The following MALRD1 variants were observed in gnomAD, a reference collection of about 807,000 sequenced individuals.
The protein encoded by MALRD1 is MAM and LDL receptor class A domain containing 1.
Under a neutral mutation model 242.1 loss-of-function variants are expected in MALRD1, and 247 were observed. The observed-to-expected ratio is 1.02, with a 90% CI of 0.92 to 1.13. MALRD1 has a LOEUF of 1.13. Ranked by LOEUF, MALRD1 falls within the 50% of genes most tolerant of loss-of-function variation. MALRD1 has a pLI of 0.00. For missense variants in MALRD1, 2,989 were observed against 2,533.1 expected (o/e 1.18, Z -3.86); for synonymous variants, 995 against 866.6 (o/e 1.15, Z -2.60).
intron 24 of MALRD1, among the ~76,000 whole-genome samples, chr10:19,340,910 C>T (rs950314767): frequency 6.6e-6 from 1 of 152,048 alleles, no homozygotes; most frequent in African/African-American, 2.4e-5. Context: ...AAATCATAAA[C>T]TTCATGTTAG....
intron 26 of MALRD1, among the ~76,000 whole-genome samples, chr10:19,369,259 T>C (rs887870447): frequency 4.1e-5 from 6 of 146,822 alleles, no homozygotes; most frequent in East Asian, 1.9e-4. Flanking sequence ...TATACACTTA[T>C]GTTGTATACA....
chr10:19,282,968 T>G, intron 20 of MALRD1, 51 bp from the exon 21 acceptor site: 1 of 1,376,232 alleles, frequency 7.3e-7, no homozygotes, highest in Non-Finnish European at 9.7e-7. Flanking sequence ...ATTGTACAGA[T>G]AGAAACTGCC....
chr10:19,111,973 T>C (rs1456509831), intron 5 of MALRD1, among the ~76,000 whole-genome samples: 1 of 152,014 alleles, frequency 6.6e-6, no homozygotes, highest in Non-Finnish European at 1.5e-5. Flanking sequence ...GATTGTAAAA[T>C]TAAGTAGCAT....
At chr10:19,641,355 A>T (rs999417287) in intron 36 of MALRD1, among the ~76,000 whole-genome samples, 1 of 152,206 alleles carries the variant, frequency 6.6e-6, no homozygotes, top group Middle Eastern at 3.2e-3. Context: ...CACTAAACAG[A>T]GGCTTTACAT....
intron 35 of MALRD1, among the ~76,000 whole-genome samples, chr10:19,608,693 A>G (rs4748602): frequency 0.9 from 136,195 of 152,114 alleles, 61,039 homozygotes; most frequent in Admixed American, 0.92. Flanking sequence ...CAAGAGAGGA[A>G]AATATTATGA....
intron 29 of MALRD1, among the ~76,000 whole-genome samples, chr10:19,481,579 T>C (rs1016639667): frequency 6.6e-6 from 1 of 152,182 alleles, no homozygotes; most frequent in African/African-American, 2.4e-5. Flanking sequence ...TCCCAAATTA[T>C]ATGTCCCCTT....
At chr10:19,458,226 T>C (rs1365269944) in intron 29 of MALRD1, among the ~76,000 whole-genome samples, 1 of 152,160 alleles carries the variant, frequency 6.6e-6, no homozygotes, top group Non-Finnish European at 1.5e-5. Context: ...GCTTCTCAAA[T>C]GACAAAATAG....
At chr10:19,578,112 C>T (rs571093150) in intron 33 of MALRD1, among the ~76,000 whole-genome samples, 108 of 151,670 alleles carry the variant, frequency 7.1e-4, no homozygotes, top group Non-Finnish European at 1.4e-3. Context: ...GAATGCAACA[C>T]TGTTTTACTT....
At position 19,165,697 on chromosome 10, in the gene MALRD1, C is replaced by G. The variant is rs966097361; in HGVS notation, c.1717C>G (p.Leu573Val). The G allele has an allele frequency of 4.9e-6, 6 of 1,231,498 alleles. No individual in the cohort carries two copies. The African/African-American group carries it at 9.3e-5, about 19-fold the overall frequency. 76.3% of individuals were successfully genotyped at this position (1,231,498 alleles called of 1,614,324 possible). A position where few individuals can be genotyped will look rare whatever the true frequency, so the allele number is the denominator to read the frequency against. Residue 573 changes from leucine to valine, a missense_variant, in exon 13 of 40, where the codon CTA becomes GTA. Leu to Val is a conservative substitution (Grantham distance 32). Coordinates refer to ENST00000454679, the MANE Select transcript of MALRD1 (RefSeq NM_001142308.3). ...TCTCTCAGTTTTTACAAGAACGTCT[C>G]TAGATGGAAACTTGCAAAAGCAGGG... ...SNLSVFTRTS[L>V]DGNLQKQGKI...
intron 4 of MALRD1, among the ~76,000 whole-genome samples, chr10:19,095,777 T>C (rs1836006458): frequency 6.6e-6 from 1 of 152,176 alleles, no homozygotes; most frequent in Non-Finnish European, 1.5e-5. Flanking sequence ...GAGAAGTTAT[T>C]TTATTTCTTA....
At chr10:19,692,215 G>A in intron 36 of MALRD1, 67 bp from the exon 37 acceptor site, 5 of 1,163,180 alleles carry the variant, frequency 4.3e-6, no homozygotes, top group East Asian at 2.6e-5. Flanking sequence ...TTTATCCCAT[G>A]CCAGTTGTGT....
At chr10:19,548,140 C>T (rs1835324470) in intron 32 of MALRD1, among the ~76,000 whole-genome samples, 2 of 150,716 alleles carry the variant, frequency 1.3e-5, no homozygotes, top group Admixed American at 1.3e-4. Flanking sequence ...GCTGGGATTA[C>T]AAGCATGCAC....
At chr10:19,174,969 T>G (rs1835169736) in intron 13 of MALRD1, among the ~76,000 whole-genome samples, 1 of 152,124 alleles carries the variant, frequency 6.6e-6, no homozygotes, top group South Asian at 2.1e-4. Context: ...TCACTCGTGA[T>G]GAATGTTACC....
At chr10:19,454,726 A>ACACG (rs140139921) in intron 29 of MALRD1, among the ~76,000 whole-genome samples, 32,468 of 149,990 alleles carry the variant, frequency 0.22, 4,174 homozygotes, top group South Asian at 0.35. Context: ...ACACACACAC[A>ACACG]CACACACACA....
At chr10:19,441,334 C>T (rs1463093837) in intron 28 of MALRD1, among the ~76,000 whole-genome samples, 3 of 152,154 alleles carry the variant, frequency 2.0e-5, no homozygotes, top group East Asian at 3.9e-4. Context: ...TGCAGAAGCT[C>T]TTTCATTTAA....
At chr10:19,601,099 T>A (rs1369155070) in intron 34 of MALRD1, among the ~76,000 whole-genome samples, 1 of 152,050 alleles carries the variant, frequency 6.6e-6, no homozygotes, top group Non-Finnish European at 1.5e-5. Flanking sequence ...TCAGGCTGGT[T>A]TCAAGCTTCT....
At chr10:19,514,707 G>A (rs935275771) in intron 31 of MALRD1, among the ~76,000 whole-genome samples, 8 of 152,162 alleles carry the variant, frequency 5.3e-5, no homozygotes, top group East Asian at 3.9e-4. Flanking sequence ...CTTTTCTTAA[G>A]AAATGAAAGA....
In MALRD1 at chr10:19,122,095, C is replaced by T. The variant is rs75879912; in HGVS notation, c.695-1397C>T. Among the ~76,000 whole-genome samples the T allele has an allele frequency of 9.0e-3, 1,365 of 152,190 alleles. 26 individuals are homozygous for T. The highest frequency in any genetic ancestry group is 0.031 in the African/African-American group (1,303 of 41,542). The stretch of plus-strand genomic sequence containing the variant: ...GGGATGTATTTTCTAGAGTTTTTGC[C>T]ATGAGAGTATGGAGAAGTATGAGCA... On this transcript the variant is annotated intron_variant, in intron 5 of 39. Coordinates refer to ENST00000454679, the MANE Select transcript of MALRD1 (RefSeq NM_001142308.3).
intron 8 of MALRD1, among the ~76,000 whole-genome samples, chr10:19,131,170 CCAAACCTAT>C (rs138416466): frequency 0.011 from 1,706 of 152,180 alleles, 20 homozygotes; most frequent in Non-Finnish European, 0.016. Context: ...TAAAAGGACT[CCAAACCTAT>C]CATTTAAAAA....
Sources: allele counts gnomAD v4.1 joint callset (sites outside exome capture counted in the v4.1 genomes callset), GRCh38; gene constraint gnomAD v4.1.1; transcripts MANE v1.5; gene names NCBI Gene and HGNC (gene_info 2026-07-23, HGNC 2026-07-21).